Variants in ZNF44 observed in about 807,000 individuals in gnomAD.
ZNF44 encodes zinc finger protein 44, also known as gonadotropin inducible transcription repressor-2.
A neutral mutation model predicts 11.7 loss-of-function variants in ZNF44; 9 were observed. The observed-to-expected ratio is 0.77, with a 90% CI of 0.46 to 1.35. The LOEUF is 1.35. Ranked by LOEUF, ZNF44 falls within the 40% of genes most tolerant of loss-of-function variation. ZNF44 has a pLI of 0.00. For missense variants in ZNF44, 696 were observed against 743.1 expected (o/e 0.94, Z 0.74); for synonymous variants, 224 against 242.7 (o/e 0.92, Z 0.72).
intron 5 of ZNF44, among the ~76,000 whole-genome samples, chr19:12,264,968 G>C (rs1392058274): frequency 6.6e-6 from 1 of 151,990 alleles, no homozygotes; most frequent in African/African-American, 2.4e-5. Flanking sequence ...AAAATGCTGG[G>C]GTTACAGGCA....
intron 5 of ZNF44, among the ~76,000 whole-genome samples, chr19:12,260,723 G>T (rs574394587): frequency 6.6e-6 from 1 of 152,140 alleles, no homozygotes; most frequent in Admixed American, 6.6e-5. Flanking sequence ...CCAATTCCAA[G>T]GAATTATCAA....
At chr19:12,252,546 A>T (rs1167464687) in intron 5 of ZNF44, among the ~76,000 whole-genome samples, 1 of 152,238 alleles carries the variant, frequency 6.6e-6, no homozygotes, top group Non-Finnish European at 1.5e-5. Context: ...TCAAAGTAAT[A>T]ATAGCTACAA....
chr19:12,285,207 A>C, intron 1 of ZNF44: 1 of 448,062 alleles, frequency 2.2e-6, no homozygotes, highest in South Asian at 5.0e-5. Flanking sequence ...AAGAAAAATA[A>C]AGTAAATTAA....
At chr19:12,253,890 A>G (rs1428855559) in intron 5 of ZNF44, among the ~76,000 whole-genome samples, 1 of 152,120 alleles carries the variant, frequency 6.6e-6, no homozygotes, top group African/African-American at 2.4e-5. Context: ...GATGCAGGAG[A>G]ATCGCTTGAA....
At chr19:12,250,085 C>A in intron 6 of ZNF44, 1 of 1,255,662 alleles carries the variant, frequency 8.0e-7, no homozygotes, top group Non-Finnish European at 1.0e-6. Context: ...TTAGAAATTA[C>A]AGAAAAATTA....
At chr19:12,238,002 G>A (rs1334853266), upstream of ZNF44, 3 of 152,178 alleles carry the variant, frequency 2.0e-5, no homozygotes, top group Admixed American at 6.5e-5. Context: ...GGAAGCTACT[G>A]GGCTGGAACA....
chr19:12,239,357 G>A (rs1411390257), upstream of ZNF44, among the ~76,000 whole-genome samples: 3 of 150,742 alleles, frequency 2.0e-5, no homozygotes, highest in Non-Finnish European at 4.4e-5. Flanking sequence ...CAGGTGGTCT[G>A]CCTGCCTTGG....
At chr19:12,242,509 C>CA (rs779926213), upstream of ZNF44, among the ~76,000 whole-genome samples, 534 of 101,162 alleles carry the variant, frequency 5.3e-3, 7 homozygotes, top group African/African-American at 0.012. Context: ...GACTCCGGCT[C>CA]AAAAAAAAAA....
chr19:12,269,931 T>G (rs995978011), downstream of ZNF44, among the ~76,000 whole-genome samples: 2 of 152,230 alleles, frequency 1.3e-5, no homozygotes, highest in African/African-American at 4.8e-5. Context: ...GAAATTTATA[T>G]ATATTTGCAA....
At chr19:12,289,643 C>CTTTTT (rs34329118) in intron 1 of ZNF44, among the ~76,000 whole-genome samples, 9 of 117,900 alleles carry the variant, frequency 7.6e-5, no homozygotes, top group Non-Finnish European at 1.2e-4. Flanking sequence ...TAAACTCATT[C>CTTTTT]TTTTTTTTTT....
chr19:12,288,810 TC>T, intron 1 of ZNF44, among the ~76,000 whole-genome samples: 1 of 75,544 alleles, frequency 1.3e-5, no homozygotes, highest in Non-Finnish European at 2.4e-5. Flanking sequence ...ATATATGAAA[TC>T]ACCTGACCCC....
At chr19:12,262,281 CTCT>C (rs1239051161) in intron 5 of ZNF44, among the ~76,000 whole-genome samples, 1 of 151,652 alleles carries the variant, frequency 6.6e-6, no homozygotes, top group Non-Finnish European at 1.5e-5. Flanking sequence ...TTTCTTTTTT[CTCT>C]TTTTTTGGTG....
intron 5 of ZNF44, among the ~76,000 whole-genome samples, chr19:12,251,364 C>T (rs1037406747): frequency 1.1e-4 from 16 of 150,786 alleles, no homozygotes; most frequent in African/African-American, 2.0e-4. Flanking sequence ...TGTAGTGGTG[C>T]GCATCTCTAA....
intron 5 of ZNF44, chr19:12,250,669 CT>C: frequency 2.4e-6 from 1 of 421,200 alleles, no homozygotes; most frequent in South Asian, 1.7e-5. Flanking sequence ...ACCATCAATT[CT>C]TTGTGAGAAA....
At chr19:12,266,314 G>A (rs1599517959) in intron 5 of ZNF44, 14 of 985,410 alleles carry the variant, frequency 1.4e-5, no homozygotes, top group Non-Finnish European at 1.7e-5. Flanking sequence ...TCCTCCTGAT[G>A]GCTCTCCTGG....
At chr19:12,287,277 G>T (rs775497372) in intron 1 of ZNF44, among the ~76,000 whole-genome samples, 1 of 151,418 alleles carries the variant, frequency 6.6e-6, no homozygotes, top group Non-Finnish European at 1.5e-5. Context: ...ACGGAATCTC[G>T]CTCTGTCACC....
chr19:12,280,419 A>G (rs956341046), intron 1 of ZNF44, among the ~76,000 whole-genome samples: 5 of 152,160 alleles, frequency 3.3e-5, no homozygotes, highest in African/African-American at 1.2e-4. Flanking sequence ...ATGCTATACT[A>G]CAAACTCTGG....
At chr19:12,238,961 TC>T (rs902303950), upstream of ZNF44, among the ~76,000 whole-genome samples, 5 of 152,158 alleles carry the variant, frequency 3.3e-5, no homozygotes, top group African/African-American at 1.2e-4. Context: ...TCCTGTCCCC[TC>T]AGTGTGGAAA....
At chr19:12,230,829 G>A (rs755476287) in intron 2 of ZNF44, among the ~76,000 whole-genome samples, 3 of 152,172 alleles carry the variant, frequency 2.0e-5, no homozygotes, top group African/African-American at 7.2e-5. Flanking sequence ...GACTAAGAGT[G>A]TATATTGGTT....
Sources: gnomAD v4.1 joint callset for allele counts (sites outside exome capture counted in the v4.1 genomes callset) on GRCh38, gnomAD v4.1.1 for gene constraint, MANE v1.5 for transcripts, NCBI Gene and HGNC (gene_info 2026-07-23, HGNC 2026-07-21) for gene names.